ADGRV1: variants seen among roughly 807,000 people sequenced by gnomAD.
ADGRV1 encodes the protein G-protein coupled receptor 98.
In ADGRV1, 359 loss-of-function variants were observed where a neutral mutation model predicts 596.2. The observed-to-expected ratio is 0.60, with a 90% CI of 0.55 to 0.66. The LOEUF (loss-of-function observed/expected upper bound fraction) is 0.66. Among genes scored for constraint, ADGRV1 ranks in the 30% least tolerant of loss-of-function variants. The probability of loss-of-function intolerance (pLI) is 0.00; values close to 1 mark genes in which losing one functional copy is unlikely to be tolerated. For missense variants in ADGRV1, 7,274 were observed against 7,575.6 expected (o/e 0.96, Z 1.48); for synonymous variants, 2,681 against 2,679.2 (o/e 1.00, Z -0.02).
intron 87 of ADGRV1, among the ~76,000 whole-genome samples, chr5:91,127,038 C>T (rs1428507562): frequency 2.0e-5 from 3 of 152,190 alleles, no homozygotes; most frequent in Admixed American, 2.0e-4. Context: ...CACAAGGTCA[C>T]CTGATTGCAC....
intron 72 of ADGRV1, among the ~76,000 whole-genome samples, chr5:90,807,174 C>G (rs1267682644): frequency 6.6e-6 from 1 of 152,126 alleles, no homozygotes; most frequent in African/African-American, 2.4e-5. Flanking sequence ...ATAGTTGTTA[C>G]AGTCTGCTAT....
rs567978814 is a variant in ADGRV1, at chr5:91,077,543, C to A, written c.18310+4939C>A. ...GAATGGGGAGAACAAAGAATAAGCACCTCATAAATGGAATACACTCAGTGC... is the reference window on the plus strand; with the variant it reads ...GAATGGGGAGAACAAAGAATAAGCAACTCATAAATGGAATACACTCAGTGC... On this transcript the variant is annotated intron_variant, in intron 86 of 89. Coordinates refer to ENST00000405460, the MANE Select transcript of ADGRV1 (RefSeq NM_032119.4). 1.3e-4 allele frequency among the ~76,000 whole-genome samples: 20 copies of A among 152,294 alleles called. No homozygotes were observed. In the East Asian group the frequency reaches 2.7e-3, roughly 21 times the overall value.
At chr5:90,886,585 G>A (rs913904969) in intron 83 of ADGRV1, among the ~76,000 whole-genome samples, 5 of 151,908 alleles carry the variant, frequency 3.3e-5, no homozygotes, top group Admixed American at 1.3e-4. Flanking sequence ...TGTATACTTC[G>A]TGACTCACAA....
At position 90,810,789 on chromosome 5, in the gene ADGRV1, G is replaced by T; in HGVS notation, c.15529G>T (p.Ala5177Ser). Residue 5177 changes from alanine (A) to serine (S), a missense_variant, in exon 74 of 90, where the codon GCC (alanine) becomes TCC (serine). By Grantham distance (99) the Ala-to-Ser change is moderately conservative. Coordinates refer to ENST00000405460, the MANE Select transcript of ADGRV1 (RefSeq NM_032119.4). ...CATTCTGCAGCCAACCAACGTGGTTGCCATTGTTACTGAGGCAACTGGTGT... is the reference window on the plus strand; with the variant it reads ...CATTCTGCAGCCAACCAACGTGGTTTCCATTGTTACTGAGGCAACTGGTGT... ...TTILQPTNVV[A>S]IVTEATGVSA... 3 of 1,613,954 alleles carry T rather than the reference G, an allele frequency of 1.9e-6. No individual in the cohort carries two copies. The highest frequency in any genetic ancestry group is 2.5e-6 in the Non-Finnish European group (3 of 1,179,880).
chr5:90,729,052 C>A, intron 49 of ADGRV1, 119 bp downstream of exon 49: 1 of 689,358 alleles, frequency 1.5e-6, no homozygotes, highest in Non-Finnish European at 2.3e-6. Context: ...TAGAATATTT[C>A]TTGATAGATA....
chr5:91,163,424 C>T (rs1307939801), intron 89 of ADGRV1, among the ~76,000 whole-genome samples: 2 of 152,100 alleles, frequency 1.3e-5, no homozygotes, highest in African/African-American at 4.8e-5. Flanking sequence ...CAAATCCTAC[C>T]CCACTGGTGA....
intron 1 of ADGRV1, among the ~76,000 whole-genome samples, chr5:90,610,489 A>C (rs1330404660): frequency 6.6e-6 from 1 of 151,908 alleles, no homozygotes; most frequent in Non-Finnish European, 1.5e-5. Flanking sequence ...AGACATCCTT[A>C]GTTTGTCTAA....
chr5:90,966,890 A>G lies in ADGRV1; in HGVS notation c.17973+1359A>G, dbSNP rs574005535. 9.2e-5 allele frequency among the ~76,000 whole-genome samples: 14 copies of G among 152,318 alleles called. No individual in the cohort carries two copies. The South Asian group carries it at 2.7e-3, about 29-fold the overall frequency. ...TAAGGTTTTCATGTGATACTGTTTC[A>G]TATGCATTTCTGAGTATGGATGTAA... On this transcript the variant is annotated intron_variant, in intron 84 of 89. Coordinates refer to ENST00000405460, the MANE Select transcript of ADGRV1 (RefSeq NM_032119.4).
At chr5:91,142,722 C>T (rs746225559) in intron 87 of ADGRV1, among the ~76,000 whole-genome samples, 3 of 152,158 alleles carry the variant, frequency 2.0e-5, no homozygotes, top group South Asian at 2.1e-4. Context: ...TCCTTGATGA[C>T]GTCAAGAACA....
chr5:90,699,199 C>T (rs1747585685), intron 34 of ADGRV1, among the ~76,000 whole-genome samples: 2 of 152,040 alleles, frequency 1.3e-5, no homozygotes, highest in South Asian at 2.1e-4. Context: ...TTTTTGTTTG[C>T]GTTAGTTTTT....
At chr5:90,746,048 T>G (rs1461628155) in intron 52 of ADGRV1, among the ~76,000 whole-genome samples, 3 of 152,172 alleles carry the variant, frequency 2.0e-5, no homozygotes, top group Admixed American at 2.0e-4. Flanking sequence ...TTTATAGGAT[T>G]GACTTTGAAA....
chr5:91,052,312 T>G (rs1229085754), intron 85 of ADGRV1, among the ~76,000 whole-genome samples: 1 of 151,454 alleles, frequency 6.6e-6, no homozygotes, highest in Non-Finnish European at 1.5e-5. Context: ...AAAAAAAAAG[T>G]GTATTTTAGA....
intron 85 of ADGRV1, among the ~76,000 whole-genome samples, chr5:91,049,756 G>A (rs895317869): frequency 2.0e-4 from 31 of 152,172 alleles, no homozygotes; most frequent in African/African-American, 6.5e-4. Context: ...TATTTTTGAA[G>A]GGGGAGTGCT....
chr5:90,669,508 C>T (rs1400865444), intron 21 of ADGRV1, among the ~76,000 whole-genome samples: 2 of 152,158 alleles, frequency 1.3e-5, no homozygotes, highest in African/African-American at 2.4e-5. Flanking sequence ...ATGTTGTACA[C>T]ATTAAATATT....
At position 90,725,070 on chromosome 5, in the gene ADGRV1, AT is replaced by A; in HGVS notation, c.9907-14del. On this transcript the variant is annotated splice_polypyrimidine_tract_variant and intron_variant, in intron 46 of 89. Coordinates refer to ENST00000405460, the MANE Select transcript of ADGRV1 (RefSeq NM_032119.4). Reference sequence around the variant, plus strand: ...ATGTATAATGAATAACTGTATTCTTATTCCTCATTTTCTAGGATTTAAATAT... The same window carrying A: ...ATGTATAATGAATAACTGTATTCTTATCCTCATTTTCTAGGATTTAAATAT... 1 of 1,532,112 alleles carries A rather than the reference AT, an allele frequency of 6.5e-7. No homozygotes were observed. 94.9% of individuals were successfully genotyped at this position (1,532,112 alleles called of 1,614,324 possible).
chr5:90,558,985 A>T, intron 1 of ADGRV1, 68 bp downstream of exon 1: 4 of 1,393,760 alleles, frequency 2.9e-6, no homozygotes, highest in Non-Finnish European at 3.9e-6. Flanking sequence ...CAGCATCAGC[A>T]CCTGTTGCTG....
chr5:90,957,644 A>G (rs1001217514), intron 83 of ADGRV1, among the ~76,000 whole-genome samples: 6 of 148,234 alleles, frequency 4.0e-5, no homozygotes, highest in Admixed American at 6.8e-5. Context: ...ACATATATGT[A>G]TATATAAATA....
intron 70 of ADGRV1, among the ~76,000 whole-genome samples, chr5:90,795,874 C>T (rs1475437526): frequency 6.6e-6 from 1 of 152,170 alleles, no homozygotes; most frequent in South Asian, 2.1e-4. Context: ...GAGTGGACCT[C>T]CAGCAAACTC....
intron 28 of ADGRV1, among the ~76,000 whole-genome samples, chr5:90,684,642 G>A (rs1745375196): frequency 6.6e-6 from 1 of 152,144 alleles, no homozygotes; most frequent in Non-Finnish European, 1.5e-5. Flanking sequence ...CCTGGGCCTT[G>A]TGGAGGGTTG....
Sources: allele counts gnomAD v4.1 joint callset (sites outside exome capture counted in the v4.1 genomes callset), GRCh38; gene constraint gnomAD v4.1.1; transcripts MANE v1.5; gene names NCBI Gene and HGNC (gene_info 2026-07-23, HGNC 2026-07-21).